The following WDHD1 variants were observed in gnomAD, a reference collection of about 807,000 sequenced individuals.
WDHD1 encodes WD repeat and HMG-box DNA binding protein 1, also known as WD repeat and HMG-box DNA-binding protein 1.
WDHD1 carries 111 observed loss-of-function variants against 135.4 expected under a neutral mutation model. The observed-to-expected ratio is 0.82, with a 90% CI of 0.70 to 0.96. The LOEUF is 0.96. Ranked by LOEUF, WDHD1 falls within the 40% of genes least tolerant of loss-of-function variation. The pLI is 0.00. For synonymous variants in WDHD1, 434 were observed against 439.0 expected (o/e 0.99, Z 0.14); for missense variants, 1,351 against 1,336.3 (o/e 1.01, Z -0.17).
intron 24 of WDHD1, among the ~76,000 whole-genome samples, chr14:54,947,917 G>A (rs903582849): frequency 8.6e-5 from 13 of 151,116 alleles, no homozygotes; most frequent in Admixed American, 3.3e-4. Context: ...CAAATTTAAC[G>A]GATATATTAA....
chr14:55,008,059 T>C (rs1254586328), intron 6 of WDHD1, among the ~76,000 whole-genome samples: 2 of 152,220 alleles, frequency 1.3e-5, no homozygotes, highest in African/African-American at 4.8e-5. Context: ...CTGAATTTAT[T>C]CCCTTCATTT....
At chr14:54,998,938 C>T (rs2041935235) in intron 10 of WDHD1, among the ~76,000 whole-genome samples, 1 of 152,168 alleles carries the variant, frequency 6.6e-6, no homozygotes, top group African/African-American at 2.4e-5. Context: ...ATACATAATT[C>T]ACTTAATCCT....
At chr14:54,974,854 G>A (rs1032808416) in intron 16 of WDHD1, among the ~76,000 whole-genome samples, 4 of 152,110 alleles carry the variant, frequency 2.6e-5, no homozygotes, top group Non-Finnish European at 5.9e-5. Context: ...CCAAACTGGA[G>A]AAAACTAGGT....
At chr14:54,948,981 C>T (rs189455335) in intron 24 of WDHD1, among the ~76,000 whole-genome samples, 61 of 152,214 alleles carry the variant, frequency 4.0e-4, no homozygotes, top group African/African-American at 1.3e-3. Flanking sequence ...AAAGGACATC[C>T]ATACCAAAAC....
intron 24 of WDHD1, among the ~76,000 whole-genome samples, chr14:54,953,400 T>C (rs1448924303): frequency 6.6e-6 from 1 of 152,094 alleles, no homozygotes; most frequent in Admixed American, 6.5e-5. Context: ...ATCAGAGAAA[T>C]GCAAATCAAA....
intron 2 of WDHD1, among the ~76,000 whole-genome samples, chr14:55,022,498 A>G: frequency 6.6e-6 from 1 of 152,074 alleles, no homozygotes; most frequent in Non-Finnish European, 1.5e-5. Context: ...CCTGGCCAAC[A>G]TGGCAAAACC....
rs1157897072 is a variant in WDHD1, at chr14:54,939,802, T to C, written c.*1688A>G. On this transcript the variant is annotated 3_prime_UTR_variant, in exon 26 of 26. Coordinates refer to ENST00000360586, the MANE Select transcript of WDHD1 (RefSeq NM_007086.4). ...TCTGAAATACAATATACACAGATTA[T>C]ATCCTTAAGCATTAGGTTGGCACAA... The C allele has an allele frequency of 6.6e-6, 1 of 152,240 alleles. No individual in the cohort carries two copies. Among genetic ancestry groups the C allele is most frequent in the Admixed American group, 6.5e-5 (1 of 15,282 alleles). The allele number at this position is 152,240 out of a possible 1,614,324, so 9.4% of individuals were successfully genotyped here.
intron 25 of WDHD1, among the ~76,000 whole-genome samples, chr14:54,943,398 AT>A (rs974707672): frequency 1.3e-5 from 2 of 152,008 alleles, no homozygotes; most frequent in Non-Finnish European, 2.9e-5. Context: ...TTACTTATTA[AT>A]TTTTTTCCCC....
intron 18 of WDHD1, among the ~76,000 whole-genome samples, chr14:54,964,253 T>A (rs140795694): frequency 1.3e-5 from 2 of 152,360 alleles, no homozygotes; most frequent in East Asian, 1.9e-4. Context: ...GCTTTAGATA[T>A]TCACCTGGAT....
chr14:54,962,714 T>C (rs1249214426), intron 20 of WDHD1, 24 bp downstream of exon 20: 28 of 1,611,048 alleles, frequency 1.7e-5, no homozygotes, highest in Middle Eastern at 1.7e-4. Context: ...TCTCATGATT[T>C]ATGGGCTTGA....
chr14:55,013,765 G>A (rs1484404347), intron 2 of WDHD1, among the ~76,000 whole-genome samples, 169 bp from the exon 3 acceptor site: 1 of 152,060 alleles, frequency 6.6e-6, no homozygotes, highest in Admixed American at 6.6e-5. Flanking sequence ...AATTAGCCAG[G>A]CATGGTTATG....
Position 54,989,159 on chromosome 14 carries a change from G to A in WDHD1, c.1395C>T (p.Ala465=), listed in dbSNP as rs1414674335. 4 of 1,613,468 alleles carry A rather than the reference G, an allele frequency of 2.5e-6. No homozygotes were observed. The highest frequency in any genetic ancestry group is 1.7e-5 in the Admixed American group (1 of 59,972). ...IRCYNDEQDN[A]IDVEFHDTSI... is the part of the protein sequence containing the mutation. Reference sequence around the variant, plus strand: ...AGGTATCATGGAACTCCACATCTATGGCATTGTCTTGCTCATCATTATAGC... The same window carrying A: ...AGGTATCATGGAACTCCACATCTATAGCATTGTCTTGCTCATCATTATAGC... The change falls in exon 13 of 26, where the codon GCC becomes GCT. Residue 465 remains alanine (A), a synonymous_variant. Transcript: ENST00000360586.
At chr14:55,015,379 C>CAAAAAAAAA in intron 2 of WDHD1, among the ~76,000 whole-genome samples, 1 of 54,438 alleles carries the variant, frequency 1.8e-5, no homozygotes, top group Non-Finnish European at 3.0e-5. Flanking sequence ...GACACTGTCT[C>CAAAAAAAAA]AAAAAAAAAA....
At chr14:54,996,721 T>C (rs917635788) in intron 10 of WDHD1, among the ~76,000 whole-genome samples, 1 of 121,130 alleles carries the variant, frequency 8.3e-6, no homozygotes. Context: ...TGGAAATTTA[T>C]AGTTTGGTAT....
intron 7 of WDHD1, among the ~76,000 whole-genome samples, chr14:55,006,634 A>G (rs762276040): frequency 7.9e-5 from 12 of 152,190 alleles, no homozygotes; most frequent in Non-Finnish European, 1.5e-4. Context: ...TCTGTTGTCT[A>G]ACTGTATCAG....
At chr14:55,015,792 G>A (rs778114177) in intron 2 of WDHD1, among the ~76,000 whole-genome samples, 95 of 151,430 alleles carry the variant, frequency 6.3e-4, no homozygotes, top group African/African-American at 2.1e-3. Context: ...TCTGCCTCCC[G>A]GGTTCAAGTG....
At position 54,990,372 on chromosome 14, in the gene WDHD1, C is replaced by T. The variant is rs149662251; in HGVS notation, c.1341+841G>A. ...CAGCACTTTGGGAGGCCTAGGCAGG[C>T]GGATCACGAGGTCAGGAGATCGAGA... On this transcript the variant is annotated intron_variant, in intron 12 of 25. Coordinates refer to ENST00000360586, the MANE Select transcript of WDHD1 (RefSeq NM_007086.4). 5.2e-4 allele frequency among the ~76,000 whole-genome samples: 79 copies of T among 152,114 alleles called. 1 individual carries two copies. In the East Asian group the frequency reaches 8.5e-3, roughly 16 times the overall value.
At chr14:55,002,592 G>C (rs2041995188) in intron 7 of WDHD1, among the ~76,000 whole-genome samples, 1 of 151,276 alleles carries the variant, frequency 6.6e-6, no homozygotes, top group Admixed American at 6.6e-5. Context: ...GTAATTACTA[G>C]TACTTTAAAT....
At chr14:55,025,698 T>C (rs2042425079) in intron 2 of WDHD1, among the ~76,000 whole-genome samples, 1 of 152,256 alleles carries the variant, frequency 6.6e-6, no homozygotes, top group South Asian at 2.1e-4. Context: ...AGGACATCCA[T>C]TGCCTAACTT....
Sources: allele counts gnomAD v4.1 joint callset (sites outside exome capture counted in the v4.1 genomes callset), GRCh38; gene constraint gnomAD v4.1.1; transcripts MANE v1.5; gene names NCBI Gene and HGNC (gene_info 2026-07-23, HGNC 2026-07-21).